Variants in FHIT observed in about 807,000 individuals in gnomAD.
FHIT encodes the protein fragile histidine triad diadenosine triphosphatase.
FHIT carries 19 observed loss-of-function variants against 17.9 expected under a neutral mutation model. That is an observed-to-expected ratio of 1.06 (90% CI 0.74 to 1.56). FHIT has a LOEUF of 1.56. Among genes scored for constraint, FHIT ranks in the 40% most tolerant of loss-of-function variants. The pLI is 0.00. For missense variants in FHIT, 248 were observed against 189.2 expected (o/e 1.31, Z -1.82); for synonymous variants, 81 against 69.7 (o/e 1.16, Z -0.81).
intron 8 of FHIT, among the ~76,000 whole-genome samples, chr3:59,834,347 A>AATAG (rs997651331): frequency 1.3e-5 from 2 of 152,186 alleles, no homozygotes; most frequent in African/African-American, 4.8e-5. Flanking sequence ...TTTGTTAAAC[A>AATAG]ATAGATAGAT....
intron 3 of FHIT, among the ~76,000 whole-genome samples, chr3:60,828,667 C>T (rs1553741649): frequency 1.3e-5 from 2 of 152,032 alleles, no homozygotes; most frequent in African/African-American, 4.8e-5. Flanking sequence ...CACCTGAGGT[C>T]AGGAGTTTGA....
chr3:59,752,592 T>C (rs1700978719), intron 8 of FHIT, among the ~76,000 whole-genome samples: 1 of 152,148 alleles, frequency 6.6e-6, no homozygotes, highest in African/African-American at 2.4e-5. Flanking sequence ...CCATATCTCA[T>C]GTCAAATTAG....
chr3:60,047,109 T>C (rs1041611326), intron 5 of FHIT, among the ~76,000 whole-genome samples: 1 of 152,228 alleles, frequency 6.6e-6, no homozygotes, highest in Non-Finnish European at 1.5e-5. Context: ...TTAAATTTTA[T>C]AATGCAAGCA....
intron 2 of FHIT, among the ~76,000 whole-genome samples, chr3:61,061,739 C>G (rs962518661): frequency 3.3e-5 from 5 of 152,020 alleles, no homozygotes; most frequent in African/African-American, 1.2e-4. Context: ...CGTTTCCATT[C>G]CAAACTCTCA....
In FHIT at chr3:60,597,176, T is replaced by G. The variant is rs911162419; in HGVS notation, c.-17-60197A>C. On this transcript the variant is annotated intron_variant, in intron 4 of 9. Transcript: ENST00000492590. ...GGGGGAGGAGAAAGTGTACAGAAAA[T>G]AATTAAGTCAAACTCACCCAACATT... Among the ~76,000 whole-genome samples the G allele has an allele frequency of 4.6e-5, 7 of 151,936 alleles. No homozygotes were observed. The South Asian group carries it at 1.2e-3, about 27-fold the overall frequency.
chr3:59,754,830 A>AAAG (rs1292495309), intron 8 of FHIT, among the ~76,000 whole-genome samples: 1 of 152,206 alleles, frequency 6.6e-6, no homozygotes, highest in Non-Finnish European at 1.5e-5. Flanking sequence ...CTAGCTTTTA[A>AAAG]AAGTTATGAG....
intron 5 of FHIT, among the ~76,000 whole-genome samples, chr3:60,471,493 C>G (rs78470241): frequency 6.6e-6 from 1 of 152,094 alleles, no homozygotes; most frequent in Admixed American, 6.5e-5. Context: ...CAGGGCAACA[C>G]TGAGTTACAA....
intron 5 of FHIT, among the ~76,000 whole-genome samples, chr3:60,129,807 T>C (rs1294199403): frequency 2.0e-5 from 3 of 152,190 alleles, no homozygotes; most frequent in Non-Finnish European, 2.9e-5. Context: ...TGATATCCAA[T>C]ATATTATCAT....
In FHIT at chr3:60,636,315, C is replaced by T. The variant is rs569483106; in HGVS notation, c.-17-99336G>A. Among the ~76,000 whole-genome samples, 15 of 152,218 alleles carry T rather than the reference C, an allele frequency of 9.9e-5. 1 individual carries two copies. In the South Asian group the frequency reaches 2.5e-3, roughly 25 times the overall value. On this transcript the variant is annotated intron_variant, in intron 4 of 9. Coordinates refer to ENST00000492590, the MANE Select transcript of FHIT (RefSeq NM_002012.4). ...CGATCTCTTGACCTCATGATCCACC[C>T]GCCTTGGCCTCCCAAAGTGCTGGGA... is the stretch of plus-strand genomic sequence containing the variant.
At chr3:59,921,593 C>G (rs543823101) in intron 8 of FHIT, among the ~76,000 whole-genome samples, 2 of 152,332 alleles carry the variant, frequency 1.3e-5, no homozygotes, top group African/African-American at 4.8e-5. Flanking sequence ...GCTATCTAAT[C>G]TGCTCTACCG....
chr3:60,312,427 G>C (rs1576459528), intron 5 of FHIT, among the ~76,000 whole-genome samples: 1 of 152,230 alleles, frequency 6.6e-6, no homozygotes, highest in East Asian at 1.9e-4. Context: ...TTAGCCATGA[G>C]CCACCTCACC....
intron 3 of FHIT, among the ~76,000 whole-genome samples, chr3:60,905,588 T>C (rs1706364808): frequency 6.6e-6 from 1 of 152,162 alleles, no homozygotes; most frequent in South Asian, 2.1e-4. Flanking sequence ...ATGCCATCCA[T>C]AGATACAATC....
intron 5 of FHIT, among the ~76,000 whole-genome samples, chr3:60,053,554 A>C (rs960136462): frequency 6.6e-6 from 1 of 151,964 alleles, no homozygotes; most frequent in Non-Finnish European, 1.5e-5. Flanking sequence ...GAGCCACACA[A>C]GTTGGAAAGG....
intron 5 of FHIT, among the ~76,000 whole-genome samples, chr3:60,136,249 C>G (rs1220501309): frequency 6.6e-6 from 1 of 152,122 alleles, no homozygotes; most frequent in African/African-American, 2.4e-5. Context: ...AGCTCAATGT[C>G]AAGGTTACTT....
At chr3:60,676,880 T>C (rs531960903) in intron 4 of FHIT, among the ~76,000 whole-genome samples, 1 of 152,272 alleles carries the variant, frequency 6.6e-6, no homozygotes, top group South Asian at 2.1e-4. Context: ...TTATTGTTGT[T>C]ATTGTTGTTT....
chr3:60,259,053 T>TAAA (rs373077800), intron 5 of FHIT, among the ~76,000 whole-genome samples: 1 of 141,364 alleles, frequency 7.1e-6, no homozygotes, highest in African/African-American at 2.6e-5. Context: ...CCTATTCAGT[T>TAAA]AAAAAAAAAA....
In FHIT at chr3:59,840,679, G is replaced by A. The variant is rs532139747; in HGVS notation, c.348+81667C>T. Among the ~76,000 whole-genome samples, 246 of 152,158 alleles carry A rather than the reference G, an allele frequency of 1.6e-3. 1 individual carries two copies. The highest frequency in any genetic ancestry group is 3.0e-3 in the Non-Finnish European group (201 of 67,996). ...AGACACCTATGCTGCAGTCTTTTGC[G>A]TGGTTACATCACTCAACGTCCCCAG... is the stretch of plus-strand genomic sequence containing the variant. On this transcript the variant is annotated intron_variant, in intron 8 of 9. Transcript: ENST00000492590.
intron 4 of FHIT, among the ~76,000 whole-genome samples, chr3:60,679,810 T>C (rs2040703964): frequency 6.6e-6 from 1 of 152,030 alleles, no homozygotes; most frequent in Non-Finnish European, 1.5e-5. Flanking sequence ...TAGCTGAAAA[T>C]GATGGGGTTT....
chr3:61,105,102 A>G (rs980651924), intron 2 of FHIT, among the ~76,000 whole-genome samples: 1 of 152,042 alleles, frequency 6.6e-6, no homozygotes, highest in Non-Finnish European at 1.5e-5. Context: ...CAGAACCCTT[A>G]CTGGAGAAGT....
Sources: gnomAD v4.1 joint callset for allele counts (sites outside exome capture counted in the v4.1 genomes callset) on GRCh38, gnomAD v4.1.1 for gene constraint, MANE v1.5 for transcripts, NCBI Gene and HGNC (gene_info 2026-07-23, HGNC 2026-07-21) for gene names.